PLEKHA5: variants seen among roughly 807,000 people sequenced by gnomAD.
The protein encoded by PLEKHA5 is pleckstrin homology domain-containing family A member 5.
PLEKHA5 carries 55 observed loss-of-function variants against 181.9 expected under a neutral mutation model. The observed-to-expected ratio is 0.30, with a 90% CI of 0.24 to 0.38. The LOEUF (loss-of-function observed/expected upper bound fraction) is 0.38. Ranked by LOEUF, PLEKHA5 falls within the 10% of genes least tolerant of loss-of-function variation. The pLI is 1.00. For synonymous variants in PLEKHA5, 535 were observed against 529.4 expected, an observed-to-expected ratio of 1.01 and a Z score of -0.15; for missense variants, 1,432 against 1,549.5, an observed-to-expected ratio of 0.92 and a Z score of 1.27.
intron 3 of PLEKHA5, chr12:19,243,495 A>G (rs369626908): frequency 3.6e-4 from 55 of 152,344 alleles, no homozygotes; most frequent in African/African-American, 1.3e-3. Context: ...TGATCATAAT[A>G]TTTATTGCTG....
intron 20 of PLEKHA5, among the ~76,000 whole-genome samples, chr12:19,326,436 A>G (rs911035007): frequency 1.3e-5 from 2 of 152,328 alleles, no homozygotes; most frequent in Middle Eastern, 3.4e-3. Context: ...CCCAAGCATA[A>G]GGGGTATAAC....
intron 3 of PLEKHA5, among the ~76,000 whole-genome samples, chr12:19,225,054 A>G (rs2059502940): frequency 6.6e-6 from 1 of 152,178 alleles, no homozygotes; most frequent in East Asian, 1.9e-4. Flanking sequence ...TGTTAGCCAC[A>G]ACGGGATGGC....
intron 3 of PLEKHA5, among the ~76,000 whole-genome samples, chr12:19,171,197 T>C (rs1484011506): frequency 6.6e-6 from 1 of 152,188 alleles, no homozygotes; most frequent in East Asian, 1.9e-4. Context: ...CAGTTATTCC[T>C]GAAAAGACTG....
At chr12:19,367,619 G>A (rs570908601) in intron 30 of PLEKHA5, among the ~76,000 whole-genome samples, 52 of 149,614 alleles carry the variant, frequency 3.5e-4, no homozygotes, top group African/African-American at 1.3e-3. Flanking sequence ...TTGCTCTGTT[G>A]CCCAGGCTGG....
At chr12:19,347,743 A>G (rs2094408125) in intron 24 of PLEKHA5, among the ~76,000 whole-genome samples, 1 of 152,188 alleles carries the variant, frequency 6.6e-6, no homozygotes, top group Admixed American at 6.6e-5. Flanking sequence ...AATGTCTGTG[A>G]CAGGAATTTT....
chr12:19,336,641 ATTG>A (rs1256607571), intron 21 of PLEKHA5, 25 bp downstream of exon 21: 1 of 1,327,760 alleles, frequency 7.5e-7, no homozygotes, highest in Non-Finnish European at 1.1e-6. Flanking sequence ...TATTCTTTAT[ATTG>A]TTTTAACTGT....
rs375875146 is a variant in PLEKHA5 at position 19,131,196 on chromosome 12, A to C, written c.169+1066A>C. On this transcript the variant is annotated intron_variant, in intron 2 of 31. Coordinates refer to ENST00000429027, the MANE Select transcript of PLEKHA5 (RefSeq NM_001256470.2). ...GGCGAGGCCAGTTTCAGCAGTCCTCAGAGCTGGCCTCTGGGGTACATTCTC... is the reference window on the plus strand; with the variant it reads ...GGCGAGGCCAGTTTCAGCAGTCCTCCGAGCTGGCCTCTGGGGTACATTCTC... Among the ~76,000 whole-genome samples the C allele has an allele frequency of 2.6e-5, 4 of 152,180 alleles. No individual in the cohort carries two copies. The East Asian group carries it at 7.7e-4, about 29-fold the overall frequency.
intron 8 of PLEKHA5, among the ~76,000 whole-genome samples, chr12:19,269,291 G>A (rs1478202572): frequency 6.6e-6 from 1 of 151,398 alleles, no homozygotes; most frequent in East Asian, 2.0e-4. Flanking sequence ...GGATGCTGAG[G>A]CAGGAGAATC....
intron 20 of PLEKHA5, among the ~76,000 whole-genome samples, chr12:19,331,547 A>G (rs1256229434): frequency 1.3e-5 from 2 of 152,162 alleles, no homozygotes; most frequent in Admixed American, 6.5e-5. Context: ...TATCTGCTAT[A>G]TAGCCGTCTA....
chr12:19,257,458 A>C lies in PLEKHA5; in HGVS notation c.458A>C (p.His153Pro). 6.2e-7 allele frequency: 1 copy of C among 1,602,994 alleles called. No homozygotes were observed. The highest frequency in any genetic ancestry group is 2.2e-5 in the East Asian group (1 of 44,688). ...ACTTCACGAGCTTCAAAAAAAGTTCATAATTTTGGAAAGAGGTCAAATTCA... is the reference window on the plus strand; with the variant it reads ...ACTTCACGAGCTTCAAAAAAAGTTCCTAATTTTGGAAAGAGGTCAAATTCA... ...GRTSRASKKV[H>P]NFGKRSNSIK... is the part of the protein sequence containing the mutation. The change falls in exon 6 of 32, where the codon CAT becomes CCT. Residue 153 changes from histidine (H) to proline (P), a missense_variant. Physicochemically the swap from His to Pro is moderately conservative, Grantham distance 77 (BLOSUM62 -2). This residue lies in a region of PLEKHA5 where 289 missense variants were observed against 381.1 expected (regional missense o/e 0.76). Coordinates refer to ENST00000429027, the MANE Select transcript of PLEKHA5 (RefSeq NM_001256470.2).
At chr12:19,293,806 C>G (rs1410137112) in intron 15 of PLEKHA5, among the ~76,000 whole-genome samples, 1 of 152,138 alleles carries the variant, frequency 6.6e-6, no homozygotes, top group African/African-American at 2.4e-5. Context: ...TTTCCCACAT[C>G]GAGATTGTGT....
chr12:19,268,201 CTT>C (rs1693130716), intron 8 of PLEKHA5, among the ~76,000 whole-genome samples: 1 of 152,082 alleles, frequency 6.6e-6, no homozygotes, highest in African/African-American at 2.4e-5. Flanking sequence ...AAAGTTAACA[CTT>C]TGAAAATTTA....
intron 3 of PLEKHA5, among the ~76,000 whole-genome samples, chr12:19,167,103 G>A (rs2151587590): frequency 6.6e-6 from 1 of 152,198 alleles, no homozygotes; most frequent in South Asian, 2.1e-4. Flanking sequence ...TATCTGTTAA[G>A]GATTGTTTCC....
chr12:19,227,476 A>G (rs2059863975), intron 3 of PLEKHA5, among the ~76,000 whole-genome samples: 1 of 152,162 alleles, frequency 6.6e-6, no homozygotes, highest in African/African-American at 2.4e-5. Context: ...TCCCAGAGAT[A>G]AGTATTCCAG....
At chr12:19,247,375 A>G (rs2064006614) in intron 3 of PLEKHA5, among the ~76,000 whole-genome samples, 1 of 152,172 alleles carries the variant, frequency 6.6e-6, no homozygotes, top group Non-Finnish European at 1.5e-5. Flanking sequence ...AAAGTTCAGC[A>G]TAGCCCAGGT....
At chr12:19,203,597 GACT>G (rs2152090980) in intron 3 of PLEKHA5, among the ~76,000 whole-genome samples, 1 of 152,060 alleles carries the variant, frequency 6.6e-6, no homozygotes, top group South Asian at 2.1e-4. Context: ...CTCTCACAAA[GACT>G]ACTAATTGCC....
At chr12:19,269,638 A>G (rs2071945341) in intron 8 of PLEKHA5, 132 bp from the exon 9 acceptor site, 1 of 522,948 alleles carries the variant, frequency 1.9e-6, no homozygotes, top group Non-Finnish European at 3.4e-6. Context: ...TCCATATCTC[A>G]GGTAAAAGAT....
chr12:19,171,389 C>T (rs992180827), intron 3 of PLEKHA5, among the ~76,000 whole-genome samples: 1 of 152,148 alleles, frequency 6.6e-6, no homozygotes, highest in Admixed American at 6.5e-5. Flanking sequence ...AAAATAGCTA[C>T]CTGTAAATAT....
chr12:19,307,685 G>T, intron 15 of PLEKHA5: 1 of 343,994 alleles, frequency 2.9e-6, no homozygotes, highest in South Asian at 3.1e-5. Context: ...GCCCAAGACA[G>T]AGAAGATCTC....
Sources: gnomAD v4.1 joint callset for allele counts (sites outside exome capture counted in the v4.1 genomes callset) on GRCh38, gnomAD v4.1.1 for gene constraint, gnomAD v4.1.1 regional missense constraint, MANE v1.5 for transcripts, NCBI Gene and HGNC (gene_info 2026-07-23, HGNC 2026-07-21) for gene names.